The following GRIP1 variants were observed in gnomAD, a reference collection of about 807,000 sequenced individuals.
The protein encoded by GRIP1 is glutamate receptor interacting protein 1, also known as glutamate receptor-interacting protein 1.
In GRIP1, 45 loss-of-function variants were observed where a neutral mutation model predicts 129.9. That is an observed-to-expected ratio of 0.35 (90% CI 0.27 to 0.44). The LOEUF (loss-of-function observed/expected upper bound fraction) is 0.44, where lower values mean the gene tolerates loss of function less well. Ranked by LOEUF, GRIP1 falls within the 20% of genes least tolerant of loss-of-function variation. The pLI, the probability that GRIP1 is intolerant of heterozygous loss-of-function variation, is 1.00. For missense variants in GRIP1, 1,196 were observed against 1,396.8 expected (o/e 0.86, Z 2.29); for synonymous variants, 530 against 520.8 (o/e 1.02, Z -0.24).
At chr12:66,615,286 T>A (rs541942683) in intron 1 of GRIP1, among the ~76,000 whole-genome samples, 1 of 152,308 alleles carries the variant, frequency 6.6e-6, no homozygotes, top group African/African-American at 2.4e-5. Context: ...ATGTTTTTTG[T>A]CATAGAGTTC....
At chr12:66,972,830 C>T (rs2042093426) in intron 1 of GRIP1, among the ~76,000 whole-genome samples, 1 of 152,216 alleles carries the variant, frequency 6.6e-6, no homozygotes, top group Non-Finnish European at 1.5e-5. Flanking sequence ...CATGAAACCC[C>T]TAAACTTACA....
At chr12:67,053,095 G>T (rs1478404139) in intron 1 of GRIP1, among the ~76,000 whole-genome samples, 5 of 152,150 alleles carry the variant, frequency 3.3e-5, no homozygotes, top group Admixed American at 1.3e-4. Context: ...GAATCCATGA[G>T]GGGCCTTTGA....
Position 66,384,932 on chromosome 12 carries a change from G to C in GRIP1, c.2465-5496C>G, listed in dbSNP as rs146525351. On this transcript the variant is annotated intron_variant, in intron 19 of 24. Coordinates refer to ENST00000359742, the MANE Select transcript of GRIP1 (RefSeq NM_001366722.1). Reference sequence around the variant, plus strand: ...GCTGGTGATACCATGATTTAAAAGAGGGAATATCTGAGGAAAATTATGTTT... The same window carrying C: ...GCTGGTGATACCATGATTTAAAAGACGGAATATCTGAGGAAAATTATGTTT... 5.6e-4 allele frequency among the ~76,000 whole-genome samples: 85 copies of C among 152,296 alleles called. 1 individual carries two copies. The East Asian group carries it at 0.013, about 24-fold the overall frequency.
At chr12:66,601,912 C>A (rs756883638) in intron 1 of GRIP1, among the ~76,000 whole-genome samples, 1 of 152,136 alleles carries the variant, frequency 6.6e-6, no homozygotes, top group Non-Finnish European at 1.5e-5. Context: ...GATAATGACA[C>A]CTTCAGTGGA....
chr12:66,645,037 T>C (rs2032244003), intron 1 of GRIP1, among the ~76,000 whole-genome samples: 1 of 152,204 alleles, frequency 6.6e-6, no homozygotes, highest in South Asian at 2.1e-4. Context: ...ATTTCCCCAA[T>C]GGCTTTATGG....
intron 1 of GRIP1, among the ~76,000 whole-genome samples, chr12:66,856,204 C>T (rs1041045896): frequency 9.2e-5 from 14 of 152,014 alleles, no homozygotes; most frequent in Admixed American, 6.6e-4. Flanking sequence ...TTCCTTACAC[C>T]TTATACAAAA....
chr12:66,994,327 G>A (rs530217319), intron 1 of GRIP1, among the ~76,000 whole-genome samples: 1 of 151,812 alleles, frequency 6.6e-6, no homozygotes, highest in Admixed American at 6.6e-5. Context: ...GAAACGCAAA[G>A]TTGATTCAAT....
intron 1 of GRIP1, among the ~76,000 whole-genome samples, chr12:67,032,319 T>A (rs1023848241): frequency 6.6e-6 from 1 of 152,198 alleles, no homozygotes; most frequent in African/African-American, 2.4e-5. Flanking sequence ...GGATGTGTAG[T>A]CACTCAACAA....
rs1489334694 is a variant in GRIP1, at chr12:66,392,836, T to C, written c.2130-20A>G. 1.2e-6 allele frequency: 2 copies of C among 1,609,698 alleles called. No individual in the cohort carries two copies. Among genetic ancestry groups the C allele is most frequent in the Admixed American group, 1.7e-5 (1 of 59,988 alleles). On this transcript the variant is annotated intron_variant, in intron 17 of 24. Transcript: ENST00000359742. ...CCAGTTCTGAAAAGCCAAATAGTAA[T>C]AGGAGAGGTAGAAATAATCCCTGTA...
chr12:67,036,396 C>T (rs538734753), intron 1 of GRIP1, among the ~76,000 whole-genome samples: 18 of 151,460 alleles, frequency 1.2e-4, no homozygotes, highest in African/African-American at 4.1e-4. Flanking sequence ...AATGAGATCT[C>T]GGCTCACTGC....
intron 2 of GRIP1, among the ~76,000 whole-genome samples, chr12:66,565,072 T>A (rs986915192): frequency 5.9e-5 from 9 of 152,208 alleles, no homozygotes; most frequent in African/African-American, 1.9e-4. Flanking sequence ...ATTCTGTAGG[T>A]TGCTGGTTCA....
chr12:66,922,974 A>G (rs1161093918), intron 1 of GRIP1, among the ~76,000 whole-genome samples: 1 of 152,192 alleles, frequency 6.6e-6, no homozygotes. Flanking sequence ...AAAAATATTG[A>G]TATATATGAT....
At chr12:66,620,103 G>A (rs1014651587) in intron 1 of GRIP1, among the ~76,000 whole-genome samples, 1 of 152,152 alleles carries the variant, frequency 6.6e-6, no homozygotes, top group Non-Finnish European at 1.5e-5. Context: ...AGTTTACATA[G>A]GTAGAAAGTA....
rs1406282398 is a variant in GRIP1, at chr12:66,627,084, T to C, written c.56-30157A>G. Among the ~76,000 whole-genome samples the C allele has an allele frequency of 2.0e-5, 3 of 152,336 alleles. No individual in the cohort carries two copies. In the East Asian group the frequency reaches 5.8e-4, roughly 29 times the overall value. ...CAAAGCATTATGACAGCTGTACTCA[T>C]TCCTTTGATGAAGAATACTTAGATG... On this transcript the variant is annotated intron_variant, in intron 1 of 24. Coordinates refer to ENST00000359742, the MANE Select transcript of GRIP1 (RefSeq NM_001366722.1).
At chr12:67,059,090 G>A (rs1243937670) in intron 1 of GRIP1, among the ~76,000 whole-genome samples, 1 of 152,194 alleles carries the variant, frequency 6.6e-6, no homozygotes, top group Non-Finnish European at 1.5e-5. Context: ...ATTCAACATG[G>A]CATTGGACCA....
At chr12:66,447,227 T>C (rs577548063) in intron 11 of GRIP1, among the ~76,000 whole-genome samples, 9 of 151,752 alleles carry the variant, frequency 5.9e-5, no homozygotes, top group South Asian at 4.1e-4. Context: ...ATTTTAATAA[T>C]GCATCTCCTA....
intron 1 of GRIP1, among the ~76,000 whole-genome samples, chr12:66,907,755 TAAC>T (rs1482330325): frequency 6.6e-6 from 1 of 151,998 alleles, no homozygotes; most frequent in Non-Finnish European, 1.5e-5. Flanking sequence ...AAACTTCAAA[TAAC>T]AACAAAGAAA....
At chr12:66,880,154 G>A (rs1349400802) in intron 1 of GRIP1, among the ~76,000 whole-genome samples, 2 of 152,074 alleles carry the variant, frequency 1.3e-5, no homozygotes. Context: ...GCCAGATGTA[G>A]AATGACCAGC....
intron 7 of GRIP1, among the ~76,000 whole-genome samples, chr12:66,515,325 G>A (rs1187880329): frequency 6.6e-6 from 1 of 151,926 alleles, no homozygotes. Flanking sequence ...GATTTGGAGG[G>A]GAAAAAACAC....
Sources: gnomAD v4.1 joint callset for allele counts (sites outside exome capture counted in the v4.1 genomes callset) on GRCh38, gnomAD v4.1.1 for gene constraint, MANE v1.5 for transcripts, NCBI Gene and HGNC (gene_info 2026-07-23, HGNC 2026-07-21) for gene names.